Variants in USP12 observed in about 807,000 individuals in gnomAD.
USP12 encodes the protein ubiquitin specific peptidase 12, also known as ubiquitin carboxyl-terminal hydrolase 12.
Under a neutral mutation model 45.5 loss-of-function variants are expected in USP12, and 19 were observed. The observed-to-expected ratio is 0.42, with a 90% CI of 0.29 to 0.61. The LOEUF (loss-of-function observed/expected upper bound fraction) is 0.61. USP12 is among the 20% of genes least tolerant of loss of function. USP12 has a pLI of 0.22. For synonymous variants in USP12, 149 were observed against 148.8 expected, an observed-to-expected ratio of 1.00 and a Z score of -0.01; for missense variants, 242 against 447.7, an observed-to-expected ratio of 0.54 and a Z score of 4.15.
chr13:27,110,127 T>TTAAAAAAAA lies in USP12; in HGVS notation c.130-4184_130-4183insTTTTTTTTA, dbSNP rs9319342. Among the ~76,000 whole-genome samples the TTAAAAAAAA allele has an allele frequency of 6.6e-4, 79 of 119,620 alleles. 4 individuals carry two copies. Among genetic ancestry groups the TTAAAAAAAA allele is most frequent in the African/African-American group, 1.7e-3 (52 of 31,118 alleles). 78.5% of individuals were successfully genotyped at this position (119,620 alleles called of 152,430 possible). A position where few individuals can be genotyped will look rare whatever the true frequency, so the allele number is the denominator to read the frequency against. On this transcript the variant is annotated intron_variant, in intron 2 of 8. Coordinates refer to ENST00000282344, the MANE Select transcript of USP12 (RefSeq NM_182488.4). ...GATGACTAGGATTTCCTTTTCCAGG[T>TTAAAAAAAA]AAAAAAAAAAAAAAAAAAAGGATAA...
chr13:27,128,686 T>C (rs939242760), intron 1 of USP12, among the ~76,000 whole-genome samples: 4 of 152,184 alleles, frequency 2.6e-5, no homozygotes, highest in Admixed American at 6.5e-5. Flanking sequence ...CAAATAATGT[T>C]TCAGCTCTAT....
intron 6 of USP12, among the ~76,000 whole-genome samples, chr13:27,084,169 T>TACATACACACAC (rs1295472031): frequency 3.9e-4 from 55 of 142,510 alleles, no homozygotes; most frequent in African/African-American, 1.4e-3. Flanking sequence ...CATGTTTGCA[T>TACATACACACAC]ACACACACAC....
chr13:27,069,584 C>A (rs1481085372), intron 8 of USP12, among the ~76,000 whole-genome samples, 200 bp from the exon 9 acceptor site: 4 of 152,192 alleles, frequency 2.6e-5, no homozygotes, highest in Admixed American at 2.6e-4. Flanking sequence ...ACCCTTTGAT[C>A]CAGCAATTCT....
At chr13:27,111,954 TG>T (rs1875468420) in intron 2 of USP12, among the ~76,000 whole-genome samples, 1 of 152,214 alleles carries the variant, frequency 6.6e-6, no homozygotes, top group African/African-American at 2.4e-5. Flanking sequence ...TGCAAGGGAA[TG>T]AGAGTCTCAC....
chr13:27,127,540 A>G (rs1876299173), intron 1 of USP12, among the ~76,000 whole-genome samples: 1 of 152,210 alleles, frequency 6.6e-6, no homozygotes, highest in African/African-American at 2.4e-5. Flanking sequence ...TTGCAGGAAG[A>G]AAGAGAAACA....
At chr13:27,120,756 G>A (rs1427188809) in intron 1 of USP12, among the ~76,000 whole-genome samples, 2 of 152,036 alleles carry the variant, frequency 1.3e-5, no homozygotes, top group Non-Finnish European at 2.9e-5. Context: ...TGTAACTTAG[G>A]CAAAAGATTA....
At position 27,113,502 on chromosome 13, in the gene USP12, C is replaced by T. The variant is rs116252834; in HGVS notation, c.129+3014G>A. On this transcript the variant is annotated intron_variant, in intron 2 of 8. Transcript: ENST00000282344. ...TATTTCCACATCCCCCTACCCACCACGCTTCTTACTCCAGCAGAGTAGACC... is the reference window on the plus strand; with the variant it reads ...TATTTCCACATCCCCCTACCCACCATGCTTCTTACTCCAGCAGAGTAGACC... Among the ~76,000 whole-genome samples, 796 of 152,244 alleles carry T rather than the reference C, an allele frequency of 5.2e-3. 7 individuals are homozygous for T. The highest frequency in any genetic ancestry group is 0.018 in the African/African-American group (762 of 41,530).
chr13:27,147,446 G>T (rs530201055), intron 1 of USP12, among the ~76,000 whole-genome samples: 1 of 152,170 alleles, frequency 6.6e-6, no homozygotes, highest in Admixed American at 6.5e-5. Flanking sequence ...TAACAAAGTT[G>T]ATACATTATA....
intron 2 of USP12, among the ~76,000 whole-genome samples, chr13:27,112,623 A>G (rs1875508980): frequency 6.6e-6 from 1 of 152,190 alleles, no homozygotes; most frequent in Non-Finnish European, 1.5e-5. Context: ...TAAGTTAACT[A>G]AAATTCAATC....
In USP12 at chr13:27,067,056, G is replaced by A. The variant is rs184407617; in HGVS notation, c.*2227C>T. On this transcript the variant is annotated 3_prime_UTR_variant, in exon 9 of 9. Coordinates refer to ENST00000282344, the MANE Select transcript of USP12 (RefSeq NM_182488.4). Reference sequence around the variant, plus strand: ...GTACGGTGTAGATGTGAACAAGTATGTGATTACCAGGAACTCAACACATAC... The same window carrying A: ...GTACGGTGTAGATGTGAACAAGTATATGATTACCAGGAACTCAACACATAC... 1 of 151,520 alleles carries A rather than the reference G, an allele frequency of 6.6e-6. No individual in the cohort carries two copies. The highest frequency in any genetic ancestry group is 6.6e-5 in the Admixed American group (1 of 15,208). 9.4% of individuals were successfully genotyped at this position (151,520 alleles called of 1,614,324 possible). A position where few individuals can be genotyped will look rare whatever the true frequency, so the allele number is the denominator to read the frequency against.
chr13:27,144,200 CAA>C (rs55832837), intron 1 of USP12, among the ~76,000 whole-genome samples: 2 of 142,292 alleles, frequency 1.4e-5, no homozygotes, highest in African/African-American at 2.6e-5. Flanking sequence ...CTCTGACTCC[CAA>C]AAAAAAAAAG....
intron 1 of USP12, among the ~76,000 whole-genome samples, chr13:27,156,150 T>G (rs1461231955): frequency 6.6e-6 from 1 of 151,396 alleles, no homozygotes; most frequent in African/African-American, 2.4e-5. Flanking sequence ...GACACGACAT[T>G]CCACTGCAAA....
intron 1 of USP12, among the ~76,000 whole-genome samples, chr13:27,166,296 G>A (rs183580145): frequency 1.3e-4 from 20 of 152,248 alleles, no homozygotes; most frequent in African/African-American, 4.6e-4. Flanking sequence ...ATCTAAAAAG[G>A]TTTCTGGAAA....
At chr13:27,143,379 T>C (rs1440159470) in intron 1 of USP12, among the ~76,000 whole-genome samples, 1 of 152,174 alleles carries the variant, frequency 6.6e-6, no homozygotes, top group Non-Finnish European at 1.5e-5. Flanking sequence ...ACTTTGTCTT[T>C]TCTGAAGAAA....
chr13:27,144,911 A>AAAAAG (rs1877244622), intron 1 of USP12, among the ~76,000 whole-genome samples: 1 of 151,456 alleles, frequency 6.6e-6, no homozygotes, highest in Non-Finnish European at 1.5e-5. Context: ...AAAAGAAAAA[A>AAAAAG]AAAAAATCAG....
chr13:27,090,014 T>C (rs780127237), intron 5 of USP12, 48 bp from the exon 6 acceptor site: 9 of 1,586,416 alleles, frequency 5.7e-6, no homozygotes, highest in Non-Finnish European at 6.9e-6. Flanking sequence ...CAGGAAATCA[T>C]GTATCTTAAA....
At chr13:27,083,707 C>T (rs1293130232) in intron 6 of USP12, among the ~76,000 whole-genome samples, 1 of 152,002 alleles carries the variant, frequency 6.6e-6, no homozygotes, top group Non-Finnish European at 1.5e-5. Flanking sequence ...GATAAAGTTT[C>T]CTTTATTTTG....
intron 6 of USP12, among the ~76,000 whole-genome samples, chr13:27,087,640 A>C (rs1049205538): frequency 5.8e-4 from 89 of 152,224 alleles, no homozygotes; most frequent in African/African-American, 2.1e-3. Context: ...GTCCTAGTTT[A>C]TTGTTTTCCC....
chr13:27,116,485 T>C, intron 2 of USP12, 31 bp downstream of exon 2: 1 of 1,599,314 alleles, frequency 6.3e-7, no homozygotes, highest in Non-Finnish European at 8.5e-7. Flanking sequence ...CTTCCGAACA[T>C]GATTCTAAAA....
Sources: gnomAD v4.1 joint callset for allele counts (sites outside exome capture counted in the v4.1 genomes callset) on GRCh38, gnomAD v4.1.1 for gene constraint, MANE v1.5 for transcripts, NCBI Gene and HGNC (gene_info 2026-07-23, HGNC 2026-07-21) for gene names.